ARMH3: variants seen among roughly 807,000 people sequenced by gnomAD.
ARMH3 encodes armadillo-like helical domain-containing protein 3.
In ARMH3, 60 loss-of-function variants were observed where a neutral mutation model predicts 99.1. The ratio of observed to expected loss-of-function variants is 0.61; its 90% CI spans 0.49 to 0.75. The LOEUF is 0.75. Ranked by LOEUF, ARMH3 falls within the 30% of genes least tolerant of loss-of-function variation. ARMH3 has a pLI of 0.00. For missense variants in ARMH3, 679 were observed against 843.1 expected, an observed-to-expected ratio of 0.81 and a Z score of 2.41; for synonymous variants, 285 against 292.8, an observed-to-expected ratio of 0.97 and a Z score of 0.27.
chr10:101,918,380 T>C (rs186985937), intron 23 of ARMH3, among the ~76,000 whole-genome samples: 1 of 152,272 alleles, frequency 6.6e-6, no homozygotes, highest in African/African-American at 2.4e-5. Context: ...TTAATAACTA[T>C]AGGAAAACCA....
At chr10:101,888,186 A>T (rs2067599892) in intron 24 of ARMH3, among the ~76,000 whole-genome samples, 1 of 152,004 alleles carries the variant, frequency 6.6e-6, no homozygotes, top group Non-Finnish European at 1.5e-5. Context: ...AAAATGATAT[A>T]GTAAAATTAA....
intron 23 of ARMH3, among the ~76,000 whole-genome samples, chr10:101,939,309 C>G (rs1218363836): frequency 6.6e-6 from 1 of 152,236 alleles, no homozygotes; most frequent in African/African-American, 2.4e-5. Flanking sequence ...CAACAGCTCA[C>G]ACCTGTGCAT....
At chr10:102,041,106 T>TATATAATATATATATATATATATA (rs2067412438) in intron 1 of ARMH3, among the ~76,000 whole-genome samples, 1 of 146,524 alleles carries the variant, frequency 6.8e-6, no homozygotes, top group Non-Finnish European at 1.5e-5. Flanking sequence ...TATATATATA[T>TATATAATATATATATATATATATA]ATATATGTAG....
intron 13 of ARMH3, 123 bp downstream of exon 13, chr10:102,009,251 G>A: frequency 2.4e-6 from 2 of 839,462 alleles, no homozygotes; most frequent in Non-Finnish European, 3.8e-6. Context: ...TCAACTCCTT[G>A]TTACTACCAC....
At chr10:102,044,099 T>C (rs2067487068) in intron 1 of ARMH3, among the ~76,000 whole-genome samples, 2 of 146,638 alleles carry the variant, frequency 1.4e-5, no homozygotes, top group Admixed American at 6.8e-5. Flanking sequence ...TTCTTTTTTT[T>C]TTTTTTTTTT....
chr10:101,974,484 C>A (rs1036874523), intron 20 of ARMH3, among the ~76,000 whole-genome samples: 5 of 152,146 alleles, frequency 3.3e-5, no homozygotes, highest in African/African-American at 9.7e-5. Flanking sequence ...AAGCAACTGC[C>A]TCAGGGAACA....
At chr10:101,948,530 T>C (rs1844650852) in intron 22 of ARMH3, among the ~76,000 whole-genome samples, 1 of 152,128 alleles carries the variant, frequency 6.6e-6, no homozygotes. Context: ...TATATAATGA[T>C]AAAAGAGTCA....
chr10:101,947,095 G>A (rs1373668339), intron 22 of ARMH3, among the ~76,000 whole-genome samples: 1 of 152,046 alleles, frequency 6.6e-6, no homozygotes. Context: ...GGCTGAGGCA[G>A]AGAATAGCTT....
At chr10:101,967,118 C>A (rs565238859) in intron 20 of ARMH3, among the ~76,000 whole-genome samples, 1 of 152,284 alleles carries the variant, frequency 6.6e-6, no homozygotes, top group East Asian at 1.9e-4. Context: ...TGGCATGGAG[C>A]TAGGTTTAGG....
At chr10:101,875,475 C>T (rs1473723851) in intron 24 of ARMH3, among the ~76,000 whole-genome samples, 2 of 152,162 alleles carry the variant, frequency 1.3e-5, no homozygotes, top group Admixed American at 6.6e-5. Context: ...AGGTAACTTC[C>T]CTGTATACAG....
chr10:102,019,563 T>C (rs2066828628), intron 8 of ARMH3, among the ~76,000 whole-genome samples: 1 of 152,140 alleles, frequency 6.6e-6, no homozygotes, highest in Non-Finnish European at 1.5e-5. Flanking sequence ...ATCTGGACCC[T>C]GTATAGGCCT....
At chr10:102,017,627 T>C (rs1276951311) in intron 8 of ARMH3, among the ~76,000 whole-genome samples, 1 of 152,220 alleles carries the variant, frequency 6.6e-6, no homozygotes, top group African/African-American at 2.4e-5. Context: ...CAGCTATTTT[T>C]CTTGCTGTTG....
intron 23 of ARMH3, among the ~76,000 whole-genome samples, chr10:101,937,497 C>T (rs1475385376): frequency 3.4e-5 from 5 of 146,600 alleles, no homozygotes; most frequent in African/African-American, 7.6e-5. Flanking sequence ...CCAGCCTGGG[C>T]GACAGAGTCA....
intron 23 of ARMH3, among the ~76,000 whole-genome samples, chr10:101,910,771 G>C (rs1842834322): frequency 6.7e-6 from 1 of 149,430 alleles, no homozygotes; most frequent in Non-Finnish European, 1.5e-5. Flanking sequence ...TGTAATACAA[G>C]GGGATGATTT....
intron 15 of ARMH3, among the ~76,000 whole-genome samples, chr10:102,000,041 A>G (rs2066316006): frequency 6.6e-6 from 1 of 152,108 alleles, no homozygotes; most frequent in Non-Finnish European, 1.5e-5. Flanking sequence ...CTTGGTTGCA[A>G]TTGCACTCTA....
At chr10:101,864,375 C>T (rs2135331892) in intron 24 of ARMH3, among the ~76,000 whole-genome samples, 1 of 152,246 alleles carries the variant, frequency 6.6e-6, no homozygotes, top group Non-Finnish European at 1.5e-5. Flanking sequence ...CCATTTGACC[C>T]AGCCATCCCA....
At chr10:101,906,852 A>T (rs1031298010) in intron 23 of ARMH3, among the ~76,000 whole-genome samples, 1 of 152,080 alleles carries the variant, frequency 6.6e-6, no homozygotes, top group Non-Finnish European at 1.5e-5. Flanking sequence ...GTGAAGAATC[A>T]GATATGTAGC....
At chr10:101,849,694 C>T (rs2066541953) in intron 25 of ARMH3, 82 bp downstream of exon 25, 2 of 1,170,822 alleles carry the variant, frequency 1.7e-6, no homozygotes, top group Admixed American at 1.9e-5. Context: ...GTTTTATCTG[C>T]AGATAAACTG....
At position 102,006,471 on chromosome 10, in the gene ARMH3, A is replaced by G. The variant is rs538768848; in HGVS notation, c.1048+69T>C. On this transcript the variant is annotated intron_variant, in intron 14 of 25. Coordinates refer to ENST00000370033, the MANE Select transcript of ARMH3 (RefSeq NM_024541.3). ...CAACTACGTAGGTTCTTTGTTGAAC[A>G]CAGCTATGCTCACTCTGAGAGATCT... 4.7e-5 allele frequency: 72 copies of G among 1,521,702 alleles called. 1 individual carries two copies. The South Asian group carries it at 6.6e-4, about 14-fold the overall frequency. The allele number at this position is 1,521,702 out of a possible 1,614,324, so 94.3% of individuals were successfully genotyped here.
Sources: gnomAD v4.1 joint callset for allele counts (sites outside exome capture counted in the v4.1 genomes callset) on GRCh38, gnomAD v4.1.1 for gene constraint, MANE v1.5 for transcripts, NCBI Gene and HGNC (gene_info 2026-07-23, HGNC 2026-07-21) for gene names.